NRXN3: variants seen among roughly 807,000 people sequenced by gnomAD.
The protein encoded by NRXN3 is neurexin III.
NRXN3 carries 32 observed loss-of-function variants against 137.6 expected under a neutral mutation model. The observed-to-expected ratio is 0.23, with a 90% CI of 0.18 to 0.31. The LOEUF (loss-of-function observed/expected upper bound fraction) is 0.31, where lower values mean the gene tolerates loss of function less well. Ranked by LOEUF, NRXN3 falls within the 10% of genes least tolerant of loss-of-function variation. NRXN3 has a pLI of 1.00. For synonymous variants in NRXN3, 798 were observed against 784.5 expected (o/e 1.02, Z -0.29); for missense variants, 1,574 against 2,062.5 (o/e 0.76, Z 4.59).
At chr14:79,121,088 T>C (rs2055340633) in intron 15 of NRXN3, among the ~76,000 whole-genome samples, 1 of 152,188 alleles carries the variant, frequency 6.6e-6, no homozygotes, top group South Asian at 2.1e-4. Flanking sequence ...TATGGGCCCA[T>C]AGATCTTTCA....
intron 16 of NRXN3, among the ~76,000 whole-genome samples, chr14:79,506,498 A>G (rs1392551724): frequency 6.6e-6 from 1 of 152,214 alleles, no homozygotes; most frequent in Non-Finnish European, 1.5e-5. Context: ...ATCCAGAACA[A>G]GATGGGACCA....
intron 15 of NRXN3, among the ~76,000 whole-genome samples, chr14:79,225,707 TTAAAA>T (rs1271241520): frequency 6.6e-6 from 1 of 152,146 alleles, no homozygotes; most frequent in Non-Finnish European, 1.5e-5. Context: ...TAAAAATAAA[TTAAAA>T]TGTTTCGTAA....
At chr14:79,655,738 A>T (rs2098502491) in intron 16 of NRXN3, among the ~76,000 whole-genome samples, 1 of 152,144 alleles carries the variant, frequency 6.6e-6, no homozygotes, top group African/African-American at 2.4e-5. Context: ...GCCTCGACCC[A>T]CTAGATTCTA....
At chr14:79,168,531 T>A (rs989671883) in intron 15 of NRXN3, among the ~76,000 whole-genome samples, 2 of 152,054 alleles carry the variant, frequency 1.3e-5, no homozygotes, top group Admixed American at 1.3e-4. Context: ...TTAGGTGCTT[T>A]TCTTTTTCTA....
intron 4 of NRXN3, among the ~76,000 whole-genome samples, chr14:78,316,376 G>A (rs543395000): frequency 6.6e-6 from 1 of 152,276 alleles, no homozygotes; most frequent in African/African-American, 2.4e-5. Flanking sequence ...AATTCCTAAG[G>A]AAAGAAAGAG....
In NRXN3 at chr14:79,864,003, A is replaced by AT. The variant is rs908141956; in HGVS notation, c.*2046dup. On this transcript the variant is annotated 3_prime_UTR_variant, in exon 21 of 21. Coordinates refer to ENST00000335750, the MANE Select transcript of NRXN3 (RefSeq NM_001330195.2). Reference sequence around the variant, plus strand: ...AATATTTCAATGTGTTAAGAGTTTAATTTTTTTGTTATCATTAAAAAAGAC... The same window carrying AT: ...AATATTTCAATGTGTTAAGAGTTTAATTTTTTTTGTTATCATTAAAAAAGAC... 1 of 152,280 alleles carries AT rather than the reference A, an allele frequency of 6.6e-6. No homozygotes were observed. The highest frequency in any genetic ancestry group is 2.4e-5 in the African/African-American group (1 of 41,398). 9.4% of individuals were successfully genotyped at this position (152,280 alleles called of 1,614,324 possible). A position where few individuals can be genotyped will look rare whatever the true frequency, so the allele number is the denominator to read the frequency against.
rs577171833 is a variant in NRXN3 at position 78,382,106 on chromosome 14, G to A, written c.757+84246G>A. Among the ~76,000 whole-genome samples, 10 of 152,236 alleles carry A rather than the reference G, an allele frequency of 6.6e-5. No homozygotes were observed. In the South Asian group the frequency reaches 1.0e-3, roughly 16 times the overall value. On this transcript the variant is annotated intron_variant, in intron 4 of 20. Transcript: ENST00000335750. ...GATAAAGGATCCTTTGGAACTCTCT[G>A]TATTATTTCTTACAACATTCATGTA...
At chr14:78,477,775 G>A (rs1215430198) in intron 4 of NRXN3, among the ~76,000 whole-genome samples, 2 of 152,254 alleles carry the variant, frequency 1.3e-5, no homozygotes, top group East Asian at 3.9e-4. Context: ...GAAAGTTGCA[G>A]GCAATAACAA....
intron 15 of NRXN3, among the ~76,000 whole-genome samples, chr14:79,256,119 T>C (rs998427601): frequency 1.3e-5 from 2 of 152,002 alleles, no homozygotes; most frequent in Non-Finnish European, 2.9e-5. Context: ...TCTCTCCCTC[T>C]CTGTGTGTCT....
At chr14:78,754,139 GT>G (rs1199760696) in intron 8 of NRXN3, among the ~76,000 whole-genome samples, 1 of 152,198 alleles carries the variant, frequency 6.6e-6, no homozygotes, top group Non-Finnish European at 1.5e-5. Context: ...TTAGGCGTTA[GT>G]TTCGGATTGT....
At chr14:78,745,450 A>G (rs1159590513) in intron 8 of NRXN3, 1 of 152,180 alleles carries the variant, frequency 6.6e-6, no homozygotes, top group African/African-American at 2.4e-5. Flanking sequence ...AATGCCTTCC[A>G]TATTACCACA....
intron 4 of NRXN3, among the ~76,000 whole-genome samples, chr14:78,534,103 C>G (rs995671312): frequency 2.0e-5 from 3 of 152,094 alleles, no homozygotes; most frequent in Non-Finnish European, 4.4e-5. Flanking sequence ...CTTTTGCAGC[C>G]TATTTGCCCC....
At chr14:78,711,463 CAG>C (rs2098407739) in intron 7 of NRXN3, among the ~76,000 whole-genome samples, 2 of 97,220 alleles carry the variant, frequency 2.1e-5, no homozygotes, top group South Asian at 6.4e-4. Flanking sequence ...TTTTTTGAGA[CAG>C]AGTTTCTCTC....
chr14:78,804,014 C>T (rs1017358063), intron 9 of NRXN3, among the ~76,000 whole-genome samples, 191 bp downstream of exon 9: 2 of 152,158 alleles, frequency 1.3e-5, no homozygotes, highest in Admixed American at 1.3e-4. Flanking sequence ...GTTTTGATGT[C>T]AATTTCTGGT....
rs569633193 is a variant in NRXN3, at chr14:79,389,561, C to T, written c.3263-77660C>T. Among the ~76,000 whole-genome samples, 10 of 152,304 alleles carry T rather than the reference C, an allele frequency of 6.6e-5. No homozygotes were observed. In the South Asian group the frequency reaches 2.1e-3, roughly 32 times the overall value. ...GGCAAATAACCCAAACCCTTCTTTC[C>T]TCATCTGATAATTGGGAAAATAATA... On this transcript the variant is annotated intron_variant, in intron 15 of 20. Coordinates refer to ENST00000335750, the MANE Select transcript of NRXN3 (RefSeq NM_001330195.2).
chr14:79,400,839 A>G (rs538823737), intron 15 of NRXN3, among the ~76,000 whole-genome samples: 1 of 152,236 alleles, frequency 6.6e-6, no homozygotes, highest in Non-Finnish European at 1.5e-5. Flanking sequence ...GAATTATAGC[A>G]TAAGCCTATA....
At chr14:78,199,645 A>G (rs1472375131) in intron 1 of NRXN3, among the ~76,000 whole-genome samples, 4 of 152,318 alleles carry the variant, frequency 2.6e-5, no homozygotes, top group Admixed American at 1.3e-4. Context: ...CAAGCTCTCA[A>G]TGAACCCACT....
intron 7 of NRXN3, among the ~76,000 whole-genome samples, chr14:78,711,844 A>G (rs937307313): frequency 3.9e-5 from 6 of 152,198 alleles, no homozygotes; most frequent in Admixed American, 2.0e-4. Flanking sequence ...TAAAATTTTA[A>G]TACAGTCTGT....
chr14:79,710,831 TAAGTGC>T (rs905009342), intron 19 of NRXN3, among the ~76,000 whole-genome samples: 3 of 152,220 alleles, frequency 2.0e-5, no homozygotes. Context: ...GGGTGTCTCA[TAAGTGC>T]AAGACTTTGG....
Sources: gnomAD v4.1 joint callset for allele counts (sites outside exome capture counted in the v4.1 genomes callset) on GRCh38, gnomAD v4.1.1 for gene constraint, MANE v1.5 for transcripts, NCBI Gene and HGNC (gene_info 2026-07-23, HGNC 2026-07-21) for gene names.